Variants in CEP126 observed in about 807,000 individuals in gnomAD.
The protein encoded by CEP126 is centrosomal protein of 126 kDa.
In CEP126, 74 loss-of-function variants were observed where a neutral mutation model predicts 107.8. The ratio of observed to expected loss-of-function variants is 0.69; its 90% confidence interval spans 0.57 to 0.83. CEP126 has a LOEUF of 0.83. Among genes scored for constraint, CEP126 ranks in the 40% least tolerant of loss-of-function variants. CEP126 has a pLI of 0.00. For synonymous variants in CEP126, 449 were observed against 446.0 expected (o/e 1.01, Z -0.08); for missense variants, 1,237 against 1,281.9 (o/e 0.96, Z 0.53).
Position 101,988,061 on chromosome 11 carries a change from G to A in CEP126, c.3244+1020G>A, listed in dbSNP as rs1941335674. On this transcript the variant is annotated intron_variant, in intron 9 of 10. Transcript: ENST00000263468. ...AAAACAGAATAAACAGACCCAGAAA[G>A]GATTCAGATAATGAAATTACCAGGC... 1.3e-5 allele frequency among the ~76,000 whole-genome samples: 2 copies of A among 151,902 alleles called. 1 individual carries two copies. Among genetic ancestry groups the A allele is most frequent in the South Asian group, 4.2e-4 (2 of 4,802 alleles).
At position 101,992,766 on chromosome 11, in the gene CEP126, T is replaced by C. The variant is rs1941400107; in HGVS notation, c.3245-12T>C. The C allele has an allele frequency of 1.5e-6, 2 of 1,355,224 alleles. No homozygotes were observed. Among genetic ancestry groups the C allele is most frequent in the Non-Finnish European group, 2.0e-6 (2 of 986,264 alleles). 83.9% of individuals were successfully genotyped at this position (1,355,224 alleles called of 1,614,324 possible). On this transcript the variant is annotated splice_polypyrimidine_tract_variant and intron_variant, in intron 9 of 10. Coordinates refer to ENST00000263468, the MANE Select transcript of CEP126 (RefSeq NM_020802.4). ...ACTAAATTATTTTGGTATTGTGATA[T>C]AATTATTTCAGATATACAAGAATCC...
intron 6 of CEP126, among the ~76,000 whole-genome samples, chr11:101,971,982 G>C (rs985148401): frequency 3.3e-5 from 5 of 151,950 alleles, no homozygotes; most frequent in African/African-American, 1.2e-4. Flanking sequence ...GGTGGTGGGC[G>C]CCTGTAATCC....
At position 101,915,119 on chromosome 11, in the gene CEP126, G is replaced by C. The variant is rs1940171529; in HGVS notation, c.-166G>C. 3.8e-6 allele frequency: 4 copies of C among 1,055,922 alleles called. No individual in the cohort carries two copies. In the African/African-American group the frequency reaches 6.4e-5, roughly 17 times the overall value. 65.4% of individuals were successfully genotyped at this position (1,055,922 alleles called of 1,614,324 possible). ...GCTGCCATCGCCGCTACAGGCACCA[G>C]TGCCGCTGCGCGGGAGCTAGGGCTG... On this transcript the variant is annotated 5_prime_UTR_variant, in exon 1 of 11. Coordinates refer to ENST00000263468, the MANE Select transcript of CEP126 (RefSeq NM_020802.4).
At position 101,962,439 on chromosome 11, in the gene CEP126, T is replaced by TA; in HGVS notation, c.1405dup (p.Ile469AsnfsTer5). The TA allele has an allele frequency of 3.7e-6, 6 of 1,613,902 alleles. No individual in the cohort carries two copies. The highest frequency in any genetic ancestry group is 5.1e-6 in the Non-Finnish European group (6 of 1,179,872). On this transcript the variant is annotated frameshift_variant, in exon 6 of 11. Transcript: ENST00000263468. LOFTEE classifies it high-confidence loss of function. Reference sequence around the variant, plus strand: ...CAACGCCTTTAGTTTTGCCATCTAATATACAGTCAGCTAGACCTTCAGCAA... The same window carrying TA: ...CAACGCCTTTAGTTTTGCCATCTAATAATACAGTCAGCTAGACCTTCAGCAA...
chr11:101,961,289 C>T (rs1353476165), intron 5 of CEP126, among the ~76,000 whole-genome samples: 1 of 152,000 alleles, frequency 6.6e-6, no homozygotes, highest in South Asian at 2.1e-4. Flanking sequence ...AAAGATGTAG[C>T]CCCTACTAAC....
chr11:101,989,681 C>T (rs752224598), intron 9 of CEP126, among the ~76,000 whole-genome samples: 9 of 152,102 alleles, frequency 5.9e-5, no homozygotes, highest in East Asian at 5.8e-4. Context: ...AGAAACAGGC[C>T]GGGCGCGGTG....
intron 2 of CEP126, among the ~76,000 whole-genome samples, chr11:101,923,118 A>G (rs1358536210): frequency 2.0e-5 from 3 of 152,164 alleles, no homozygotes; most frequent in African/African-American, 4.8e-5. Context: ...CTTTTGGTAT[A>G]TAGTTTGAGT....
chr11:101,947,345 G>A (rs1186389641), intron 3 of CEP126, among the ~76,000 whole-genome samples: 1 of 152,116 alleles, frequency 6.6e-6, no homozygotes, highest in Non-Finnish European at 1.5e-5. Context: ...GGAAAATGAT[G>A]TCTCCATTTG....
rs957174440 is a variant in CEP126, at chr11:101,957,072, T to C, written c.507-1096T>C. The C allele has an allele frequency of 1.5e-5, 4 of 260,836 alleles. No homozygotes were observed. The East Asian group carries it at 4.6e-4, about 30-fold the overall frequency. The allele number at this position is 260,836 out of a possible 1,614,324, so 16.2% of individuals were successfully genotyped here. On this transcript the variant is annotated intron_variant, in intron 4 of 10. Transcript: ENST00000263468. ...GGAAGAGACAGAAACATACTCTCAA[T>C]GTTCAGGAACTTGTATTAAATACCT...
chr11:101,922,702 C>G lies in CEP126; in HGVS notation c.190C>G (p.Gln64Glu), dbSNP rs756200112. 18 of 1,612,356 alleles carry G rather than the reference C, an allele frequency of 1.1e-5. No individual in the cohort carries two copies. The highest frequency in any genetic ancestry group is 1.5e-5 in the Non-Finnish European group (18 of 1,178,766). Residue 64 changes from glutamine (Q) to glutamate (E), a missense_variant, in exon 2 of 11, where the codon CAA becomes GAA. This residue lies in a region of CEP126 where 1,134 missense variants were observed against 1,150.5 expected (regional missense o/e 0.99). Coordinates refer to ENST00000263468, the MANE Select transcript of CEP126 (RefSeq NM_020802.4). ...AGAGCGCCAGATATTACTGCAGCAACAAAAAATATGTCGAAATCGAGCACG... is the reference window on the plus strand; with the variant it reads ...AGAGCGCCAGATATTACTGCAGCAAGAAAAAATATGTCGAAATCGAGCACG... ...EEERQILLQQ[Q>E]KICRNRARKY...
Position 101,962,313 on chromosome 11 carries a change from T to C in CEP126, c.1278T>C (p.Ser426=), listed in dbSNP as rs995634268. The change falls in exon 6 of 11, where the codon TCT becomes TCC. Residue 426 remains serine, a synonymous_variant. Coordinates refer to ENST00000263468, the MANE Select transcript of CEP126 (RefSeq NM_020802.4). Reference sequence around the variant, plus strand: ...GCAAATCCCAAAGCACTTCAGATTCTCTAACCCAGGAAGTGGCTACATTTC... The same window carrying C: ...GCAAATCCCAAAGCACTTCAGATTCCCTAACCCAGGAAGTGGCTACATTTC... The part of the protein sequence containing the change: ...KFSKSQSTSD[S]LTQEVATFPD... 2 of 1,613,512 alleles carry C rather than the reference T, an allele frequency of 1.2e-6. No individual in the cohort carries two copies. The highest frequency in any genetic ancestry group is 3.3e-4 in the Middle Eastern group (2 of 6,056).
At chr11:101,937,925 G>A (rs1310572054) in intron 2 of CEP126, among the ~76,000 whole-genome samples, 9 of 151,118 alleles carry the variant, frequency 6.0e-5, no homozygotes, top group Middle Eastern at 3.4e-3. Context: ...AGGCCGAGGC[G>A]GGTGGATCAT....
chr11:101,991,960 T>C (rs1941388925), intron 9 of CEP126, among the ~76,000 whole-genome samples: 1 of 152,164 alleles, frequency 6.6e-6, no homozygotes, highest in Non-Finnish European at 1.5e-5. Flanking sequence ...GTGGGTTAGT[T>C]ACCTCTTTGG....
At chr11:101,954,827 G>A (rs988971936) in intron 4 of CEP126, among the ~76,000 whole-genome samples, 1 of 151,946 alleles carries the variant, frequency 6.6e-6, no homozygotes, top group Middle Eastern at 3.2e-3. Context: ...ATGAGATATT[G>A]GAATATTAAG....
At position 101,972,577 on chromosome 11, in the gene CEP126, C is replaced by A. The variant is rs557477606; in HGVS notation, c.2846-5770C>A. On this transcript the variant is annotated intron_variant, in intron 6 of 10. Coordinates refer to ENST00000263468, the MANE Select transcript of CEP126 (RefSeq NM_020802.4). The stretch of plus-strand genomic sequence containing the variant: ...CAGCACTTTGGGAGGCTGAGGCAGG[C>A]GGATCACAAGGTCAGGAGTTCGAGA... Among the ~76,000 whole-genome samples the A allele has an allele frequency of 8.5e-5, 13 of 152,054 alleles. No individual in the cohort carries two copies. The East Asian group carries it at 2.5e-3, about 30-fold the overall frequency.
chr11:101,976,312 G>T (rs1223740232), intron 6 of CEP126, among the ~76,000 whole-genome samples: 1 of 152,062 alleles, frequency 6.6e-6, no homozygotes, highest in Admixed American at 6.5e-5. Flanking sequence ...GTTTTGATTT[G>T]CACTTGTCTA....
chr11:101,944,394 A>G lies in CEP126; in HGVS notation c.378A>G (p.Ser126=). Residue 126 remains serine, a synonymous_variant, in exon 3 of 11, where the codon TCA becomes TCG. Transcript: ENST00000263468. ...TCCAGCGTGCCCATGTTCCTCTTTC[A>G]CAGCGGAGGAAAGCAGGTGCCTTAA... ...EKFQRAHVPL[S]QRRKAVSRKP... is the part of the protein sequence containing the mutation. The G allele has an allele frequency of 6.2e-7, 1 of 1,610,012 alleles. No individual in the cohort carries two copies. Among genetic ancestry groups the G allele is most frequent in the East Asian group, 2.2e-5 (1 of 44,720 alleles).
chr11:101,978,210 C>T, intron 6 of CEP126, 137 bp from the exon 7 acceptor site: 1 of 666,170 alleles, frequency 1.5e-6, no homozygotes, highest in Non-Finnish European at 2.7e-6. Flanking sequence ...AAGAGGAGCT[C>T]AATAAAGCAT....
Position 101,998,777 on chromosome 11 carries a change from T to A in CEP126, c.*1134T>A, listed in dbSNP as rs1447123045. ...TACCATGTACCAAATTTTGTGCATA[T>A]ATTTTTTATTTAATCTGACCAGCCA... On this transcript the variant is annotated 3_prime_UTR_variant, in exon 11 of 11. Coordinates refer to ENST00000263468, the MANE Select transcript of CEP126 (RefSeq NM_020802.4). 1 of 152,080 alleles carries A rather than the reference T, an allele frequency of 6.6e-6. No homozygotes were observed. Among genetic ancestry groups the A allele is most frequent in the Non-Finnish European group, 1.5e-5 (1 of 68,024 alleles). 9.4% of individuals were successfully genotyped at this position (152,080 alleles called of 1,614,324 possible).
Sources: gnomAD v4.1 joint callset for allele counts (sites outside exome capture counted in the v4.1 genomes callset) on GRCh38, gnomAD v4.1.1 for gene constraint, gnomAD v4.1.1 regional missense constraint, MANE v1.5 for transcripts, NCBI Gene and HGNC (gene_info 2026-07-23, HGNC 2026-07-21) for gene names.